Variants in TLL2 observed in about 807,000 individuals in gnomAD.
The protein encoded by TLL2 is tolloid like 2.
In TLL2, 106 loss-of-function variants were observed where a neutral mutation model predicts 123.0. That is an observed-to-expected ratio of 0.86 (90% CI 0.74 to 1.01). TLL2 has a LOEUF of 1.01. TLL2 is among the 50% of genes least tolerant of loss of function. The pLI, the probability that TLL2 is intolerant of heterozygous loss-of-function variation, is 0.00. For missense variants in TLL2, 1,332 were observed against 1,336.7 expected, an observed-to-expected ratio of 1.00 and a Z score of 0.06; for synonymous variants, 494 against 516.8, an observed-to-expected ratio of 0.96 and a Z score of 0.60.
At chr10:96,370,693 T>C (rs559788803) in intron 19 of TLL2, among the ~76,000 whole-genome samples, 2 of 152,324 alleles carry the variant, frequency 1.3e-5, no homozygotes, top group South Asian at 4.1e-4. Context: ...AAGTGTTGGA[T>C]GCATCTGAGA....
rs761801820 is a variant in TLL2, at chr10:96,405,199, CTCCTCTCTTAACGG to C, written c.1267+19_1267+32del. The C allele has an allele frequency of 6.3e-7, 1 of 1,592,652 alleles. No individual in the cohort carries two copies. Among genetic ancestry groups the C allele is most frequent in the African/African-American group, 1.3e-5 (1 of 74,484 alleles). The stretch of plus-strand genomic sequence containing the variant: ...CAGCATCCCGGGGAACATCCCATCA[CTCCTCTCTTAACGG>C]TGTCTAAAGTCAACTTACCCAAAAG... On this transcript the variant is annotated intron_variant, in intron 10 of 20. Coordinates refer to ENST00000357947, the MANE Select transcript of TLL2 (RefSeq NM_012465.4).
At chr10:96,418,226 C>CAT (rs1846583774) in intron 7 of TLL2, among the ~76,000 whole-genome samples, 1 of 152,076 alleles carries the variant, frequency 6.6e-6, no homozygotes, top group South Asian at 2.1e-4. Context: ...AAAAAAAATA[C>CAT]ATATATATAT....
In TLL2 at chr10:96,513,716, G is replaced by T. The variant is rs1316510259; in HGVS notation, c.-31C>A. ...CGCGGGGCCGGCTGGGGCAGAGGGAGTTGCGTGCACGAAAGCTCAGCTCGG... is the reference window on the plus strand; with the variant it reads ...CGCGGGGCCGGCTGGGGCAGAGGGATTTGCGTGCACGAAAGCTCAGCTCGG... On this transcript the variant is annotated 5_prime_UTR_variant, in exon 1 of 21. Coordinates refer to ENST00000357947, the MANE Select transcript of TLL2 (RefSeq NM_012465.4). The T allele has an allele frequency of 6.8e-7, 1 of 1,470,992 alleles. No homozygotes were observed. Among genetic ancestry groups the T allele is most frequent in the South Asian group, 1.3e-5 (1 of 74,868 alleles). The allele number at this position is 1,470,992 out of a possible 1,614,324, so 91.1% of individuals were successfully genotyped here.
chr10:96,469,830 G>A (rs1487949045), intron 2 of TLL2, among the ~76,000 whole-genome samples: 1 of 152,250 alleles, frequency 6.6e-6, no homozygotes, highest in Non-Finnish European at 1.5e-5. Flanking sequence ...GAGAGATAGA[G>A]AGAAAGCAAT....
At chr10:96,444,548 T>C (rs1846877603) in intron 3 of TLL2, among the ~76,000 whole-genome samples, 1 of 152,342 alleles carries the variant, frequency 6.6e-6, no homozygotes, top group East Asian at 1.9e-4. Flanking sequence ...TTTAGATGTA[T>C]GCTTATATAC....
At chr10:96,476,240 A>ATATATT in intron 2 of TLL2, among the ~76,000 whole-genome samples, 2 of 20,498 alleles carry the variant, frequency 9.8e-5, no homozygotes, top group African/African-American at 1.7e-4. Flanking sequence ...ATATATATAT[A>ATATATT]TTTTATTTTT....
intron 13 of TLL2, among the ~76,000 whole-genome samples, chr10:96,391,932 T>C (rs1429433301): frequency 6.6e-6 from 1 of 152,230 alleles, no homozygotes; most frequent in African/African-American, 2.4e-5. Flanking sequence ...CAAATTGAAA[T>C]GCCCTCCAAG....
Position 96,370,065 on chromosome 10 carries a change from C to G in TLL2, c.2913G>C (p.Gly971=). ...CGGCCCCAGCGTCTCCGGGACTTAC[C>G]CCAGAGCCACAGAAGCGGCCGAGCC... is the stretch of plus-strand genomic sequence containing the variant. The part of the protein sequence containing the change: ...APRLGRFCGS[G]PLEEIYSAGD... Residue 971 remains glycine (G), a splice_region_variant and synonymous_variant, in exon 20 of 21, where the codon GGG becomes GGC. Transcript: ENST00000357947. 6.3e-7 allele frequency: 1 copy of G among 1,585,716 alleles called. No homozygotes were observed. Among genetic ancestry groups the G allele is most frequent in the East Asian group, 2.3e-5 (1 of 44,378 alleles).
intron 2 of TLL2, among the ~76,000 whole-genome samples, chr10:96,469,353 T>C (rs539891793): frequency 9.9e-5 from 15 of 152,254 alleles, no homozygotes; most frequent in Admixed American, 2.0e-4. Flanking sequence ...AATCCTTACT[T>C]CCTACAAGAA....
intron 3 of TLL2, among the ~76,000 whole-genome samples, chr10:96,442,307 G>A (rs189541273): frequency 6.6e-6 from 1 of 152,262 alleles, no homozygotes; most frequent in Non-Finnish European, 1.5e-5. Context: ...CTGCCTGGGC[G>A]GTCTCTTTTC....
chr10:96,472,752 A>G (rs1847196620), intron 2 of TLL2, among the ~76,000 whole-genome samples: 1 of 152,052 alleles, frequency 6.6e-6, no homozygotes, highest in East Asian at 1.9e-4. Context: ...TCCTGTCTCA[A>G]AAAAAAGAAA....
intron 2 of TLL2, among the ~76,000 whole-genome samples, chr10:96,477,055 A>C (rs1239816983): frequency 1.3e-5 from 1 of 76,948 alleles, no homozygotes; most frequent in East Asian, 8.8e-4. Context: ...TTTTTTTTTT[A>C]CAACAAGCAG....
At chr10:96,435,902 T>C (rs1245045324) in intron 3 of TLL2, among the ~76,000 whole-genome samples, 4 of 152,244 alleles carry the variant, frequency 2.6e-5, no homozygotes, top group Admixed American at 1.3e-4. Flanking sequence ...AATGTACATT[T>C]TCAATGTTAG....
chr10:96,379,500 G>C (rs961520588), intron 16 of TLL2, among the ~76,000 whole-genome samples: 5 of 152,200 alleles, frequency 3.3e-5, no homozygotes, highest in African/African-American at 1.2e-4. Flanking sequence ...AACCTTAGCA[G>C]GGAGCTGTCT....
chr10:96,475,716 T>G (rs563306286), intron 2 of TLL2, among the ~76,000 whole-genome samples: 33 of 152,242 alleles, frequency 2.2e-4, no homozygotes, highest in African/African-American at 7.7e-4. Flanking sequence ...CCTCTCCCCT[T>G]GAGCCCTCTC....
intron 10 of TLL2, among the ~76,000 whole-genome samples, chr10:96,400,765 C>T (rs1846385562): frequency 6.6e-6 from 1 of 152,174 alleles, no homozygotes; most frequent in Admixed American, 6.5e-5. Flanking sequence ...TACAAAAGTG[C>T]ATTGTTAGAG....
intron 1 of TLL2, among the ~76,000 whole-genome samples, chr10:96,495,409 A>C (rs1455225545): frequency 1.3e-5 from 2 of 152,168 alleles, no homozygotes; most frequent in Non-Finnish European, 2.9e-5. Context: ...TTTTAGTAAA[A>C]AGTTAATCGG....
In TLL2 at chr10:96,487,800, C is replaced by T. The variant is rs189565264; in HGVS notation, c.176-7341G>A. Among the ~76,000 whole-genome samples, 19 of 152,248 alleles carry T rather than the reference C, an allele frequency of 1.2e-4. No individual in the cohort carries two copies. The East Asian group carries it at 1.4e-3, about 11-fold the overall frequency. On this transcript the variant is annotated intron_variant, in intron 1 of 20. Coordinates refer to ENST00000357947, the MANE Select transcript of TLL2 (RefSeq NM_012465.4). ...GCCAGGGTTCTTCCCAGTCCCGCAG[C>T]GGCTTCCTAAGCTCTTAGCATCTAC...
chr10:96,476,875 C>CACACACACACACAG (rs1554939729), intron 2 of TLL2, among the ~76,000 whole-genome samples: 12 of 144,534 alleles, frequency 8.3e-5, no homozygotes, highest in East Asian at 6.3e-4. Flanking sequence ...CACACACACA[C>CACACACACACACAG]ACACACACAC....
Sources: allele counts gnomAD v4.1 joint callset (sites outside exome capture counted in the v4.1 genomes callset), GRCh38; gene constraint gnomAD v4.1.1; transcripts MANE v1.5; gene names NCBI Gene and HGNC (gene_info 2026-07-23, HGNC 2026-07-21).